Variants in ZNF280D observed in about 807,000 individuals in gnomAD.
ZNF280D encodes suppressor of hairy wing homolog 4.
In ZNF280D, 39 loss-of-function variants were observed where a neutral mutation model predicts 94.7. That is an observed-to-expected ratio of 0.41 (90% CI 0.32 to 0.54). ZNF280D has a LOEUF of 0.54. Ranked by LOEUF, ZNF280D falls within the 20% of genes least tolerant of loss-of-function variation. The pLI, the probability that ZNF280D is intolerant of heterozygous loss-of-function variation, is 0.22. For missense variants in ZNF280D, 1,090 were observed against 1,149.3 expected (o/e 0.95, Z 0.75); for synonymous variants, 398 against 377.6 (o/e 1.05, Z -0.63).
chr15:56,727,028 G>A (rs2058662856), intron 1 of ZNF280D, among the ~76,000 whole-genome samples: 1 of 152,128 alleles, frequency 6.6e-6, no homozygotes, highest in South Asian at 2.1e-4. Context: ...TGGAATTTCA[G>A]GGACAATAAA....
chr15:56,711,508 T>TA (rs1273071884), intron 1 of ZNF280D, among the ~76,000 whole-genome samples: 1 of 151,706 alleles, frequency 6.6e-6, no homozygotes, highest in Non-Finnish European at 1.5e-5. Flanking sequence ...CTACTAAAAA[T>TA]AAAAAAATTA....
intron 17 of ZNF280D, among the ~76,000 whole-genome samples, chr15:56,657,424 T>C (rs985619893): frequency 6.6e-6 from 1 of 152,152 alleles, no homozygotes; most frequent in Non-Finnish European, 1.5e-5. Context: ...TTAGCTATCT[T>C]TTTAATATTC....
Position 56,682,483 on chromosome 15 carries a change from A to ATC in ZNF280D, c.781-7_781-6insGA. The ATC allele has an allele frequency of 8.7e-7, 1 of 1,150,576 alleles. No homozygotes were observed. Among genetic ancestry groups the ATC allele is most frequent in the Non-Finnish European group, 1.2e-6 (1 of 837,914 alleles). The allele number at this position is 1,150,576 out of a possible 1,614,324, so 71.3% of individuals were successfully genotyped here. A position where few individuals can be genotyped will look rare whatever the true frequency, so the allele number is the denominator to read the frequency against. On this transcript the variant is annotated splice_region_variant and splice_polypyrimidine_tract_variant and intron_variant, in intron 9 of 21. Coordinates refer to ENST00000267807, the MANE Select transcript of ZNF280D (RefSeq NM_017661.4). ...ATCATGTCTGGACAACAATACTGAAAGAGAAAAAAAAAAAAAAAAAACAAG... is the reference window on the plus strand; with the variant it reads ...ATCATGTCTGGACAACAATACTGAAATCGAGAAAAAAAAAAAAAAAAAACAAG...
At chr15:56,650,344 A>G (rs12438728) in intron 19 of ZNF280D, among the ~76,000 whole-genome samples, 5,533 of 152,258 alleles carry the variant, frequency 0.036, 347 homozygotes, top group Admixed American at 0.16. Context: ...TAACATCTGT[A>G]AAACACATTT....
At chr15:56,651,313 C>T (rs1051166819) in intron 19 of ZNF280D, among the ~76,000 whole-genome samples, 11 of 152,094 alleles carry the variant, frequency 7.2e-5, no homozygotes, top group Non-Finnish European at 1.3e-4. Context: ...AGCACATATG[C>T]ATGAAATGGC....
intron 16 of ZNF280D, among the ~76,000 whole-genome samples, 162 bp downstream of exon 16, chr15:56,666,233 T>C (rs779887718): frequency 2.0e-5 from 3 of 152,242 alleles, no homozygotes; most frequent in Non-Finnish European, 2.9e-5. Flanking sequence ...GTTACTATGC[T>C]GAGAAATAGG....
intron 6 of ZNF280D, among the ~76,000 whole-genome samples, chr15:56,694,294 T>TACACACAC (rs57017142): frequency 3.6e-5 from 5 of 138,508 alleles, no homozygotes; most frequent in East Asian, 2.1e-4. Flanking sequence ...TAATGACACA[T>TACACACAC]ACACACACAC....
chr15:56,693,741 G>C (rs1404446681), intron 6 of ZNF280D, among the ~76,000 whole-genome samples: 1 of 152,016 alleles, frequency 6.6e-6, no homozygotes, highest in Admixed American at 6.5e-5. Flanking sequence ...GAGATATCAG[G>C]GCAAACAAAC....
At chr15:56,659,395 ACCACATTT>A (rs1484485849) in intron 16 of ZNF280D, among the ~76,000 whole-genome samples, 2 of 152,014 alleles carry the variant, frequency 1.3e-5, no homozygotes, top group Non-Finnish European at 2.9e-5. Context: ...ACCACCGTTA[ACCACATTT>A]CACTTTCTGT....
chr15:56,664,552 A>G (rs1427210434), intron 16 of ZNF280D, among the ~76,000 whole-genome samples: 14 of 152,194 alleles, frequency 9.2e-5, no homozygotes, highest in Admixed American at 9.2e-4. Flanking sequence ...GGTTGAAAAG[A>G]GTTAATTTTA....
intron 14 of ZNF280D, among the ~76,000 whole-genome samples, 192 bp from the exon 15 acceptor site, chr15:56,667,178 A>G (rs1162856436): frequency 6.6e-6 from 1 of 152,202 alleles, no homozygotes; most frequent in African/African-American, 2.4e-5. Context: ...AAGTTGTAAT[A>G]TTACATTTTT....
At chr15:56,714,089 T>C (rs1332760479) in intron 1 of ZNF280D, among the ~76,000 whole-genome samples, 1 of 152,214 alleles carries the variant, frequency 6.6e-6, no homozygotes, top group East Asian at 1.9e-4. Flanking sequence ...TTCAAATCAA[T>C]ACTTCCTTTT....
At chr15:56,660,464 A>G (rs1340360447) in intron 16 of ZNF280D, among the ~76,000 whole-genome samples, 1 of 152,028 alleles carries the variant, frequency 6.6e-6, no homozygotes, top group East Asian at 1.9e-4. Context: ...AGGGATTTCT[A>G]CCACCTGCTT....
rs773335579 is a variant in ZNF280D, at chr15:56,666,839, G to A, written c.1693C>T (p.Pro565Ser). ...CTTGCGTTGGATTTGACTGTATTAG[G>A]TTTACTTGTATTAGATTTTGCAGGA... is the stretch of plus-strand genomic sequence containing the variant. ...KNPAKSNTSK[P>S]NTVKSNASKP... is the part of the protein sequence containing the mutation. Residue 565 changes from proline to serine, a missense_variant, in exon 15 of 22, where the codon CCT (proline) becomes TCT (serine). Coordinates refer to ENST00000267807, the MANE Select transcript of ZNF280D (RefSeq NM_017661.4). The A allele has an allele frequency of 2.5e-6, 4 of 1,613,618 alleles. No individual in the cohort carries two copies. Among genetic ancestry groups the A allele is most frequent in the South Asian group, 1.1e-5 (1 of 91,062 alleles).
intron 16 of ZNF280D, among the ~76,000 whole-genome samples, chr15:56,661,209 A>G (rs1478481668): frequency 6.6e-6 from 1 of 152,178 alleles, no homozygotes; most frequent in African/African-American, 2.4e-5. Flanking sequence ...AGGCAAAGCA[A>G]AGAGTAACTG....
At chr15:56,669,883 ATATAT>A (rs72076005) in intron 13 of ZNF280D, among the ~76,000 whole-genome samples, 170 of 7,726 alleles carry the variant, frequency 0.022, 17 homozygotes, top group Non-Finnish European at 0.032. Context: ...TTATATATAT[ATATAT>A]TATATATATA....
intron 19 of ZNF280D, chr15:56,653,436 C>T (rs2053328309): frequency 6.9e-7 from 1 of 1,441,464 alleles, no homozygotes; most frequent in African/African-American, 1.5e-5. Flanking sequence ...AGGGAGTCTC[C>T]CCAAGATCTG....
chr15:56,652,754 T>C, intron 19 of ZNF280D: 1 of 985,160 alleles, frequency 1.0e-6, no homozygotes, highest in Non-Finnish European at 1.2e-6. Flanking sequence ...GCCAATTCTT[T>C]ACACCTAAGA....
At chr15:56,702,776 T>A (rs1456885852) in intron 4 of ZNF280D, among the ~76,000 whole-genome samples, 1 of 152,110 alleles carries the variant, frequency 6.6e-6, no homozygotes, top group Non-Finnish European at 1.5e-5. Context: ...AAAATTCGAT[T>A]GGTGAAATTA....
Sources: gnomAD v4.1 joint callset for allele counts (sites outside exome capture counted in the v4.1 genomes callset) on GRCh38, gnomAD v4.1.1 for gene constraint, MANE v1.5 for transcripts, NCBI Gene and HGNC (gene_info 2026-07-23, HGNC 2026-07-21) for gene names.